SPDYA: variants seen among roughly 807,000 people sequenced by gnomAD.
SPDYA encodes the protein speedy protein A.
SPDYA carries 11 observed loss-of-function variants against 36.7 expected under a neutral mutation model. The ratio of observed to expected loss-of-function variants is 0.30; its 90% CI spans 0.19 to 0.50. SPDYA has a LOEUF of 0.50. SPDYA is among the 20% of genes least tolerant of loss of function. The probability of loss-of-function intolerance (pLI) is 0.98; values close to 1 mark genes in which losing one functional copy is unlikely to be tolerated. For missense variants in SPDYA, 287 were observed against 370.9 expected, an observed-to-expected ratio of 0.77 and a Z score of 1.86; for synonymous variants, 115 against 118.7, an observed-to-expected ratio of 0.97 and a Z score of 0.20.
At chr2:28,842,904 T>G (rs1484091227) in intron 7 of SPDYA, among the ~76,000 whole-genome samples, 1 of 152,154 alleles carries the variant, frequency 6.6e-6, no homozygotes, top group Non-Finnish European at 1.5e-5. Flanking sequence ...TTTAGTGACC[T>G]CTACTAGCAA....
intron 7 of SPDYA, among the ~76,000 whole-genome samples, chr2:28,844,609 C>T (rs781330924): frequency 6.6e-6 from 1 of 152,106 alleles, no homozygotes; most frequent in Non-Finnish European, 1.5e-5. Context: ...CTGTGATGTT[C>T]GGTGGTTAGC....
intron 7 of SPDYA, among the ~76,000 whole-genome samples, chr2:28,846,340 G>A (rs1000789600): frequency 7.9e-5 from 12 of 152,152 alleles, no homozygotes; most frequent in African/African-American, 2.9e-4. Context: ...CCTGGGAGGT[G>A]GAGGTTGCAG....
chr2:28,836,639 T>C (rs192880011), intron 6 of SPDYA, among the ~76,000 whole-genome samples: 3 of 152,340 alleles, frequency 2.0e-5, no homozygotes, highest in East Asian at 1.9e-4. Flanking sequence ...TTTCCCCTTT[T>C]AGTCGAAATT....
intron 4 of SPDYA, among the ~76,000 whole-genome samples, chr2:28,822,073 TCAAAC>T (rs1668183750): frequency 6.6e-6 from 1 of 152,168 alleles, no homozygotes; most frequent in African/African-American, 2.4e-5. Flanking sequence ...GGATTTTAGC[TCAAAC>T]TATTGGCAAT....
chr2:28,848,081 G>A (rs937968837), intron 7 of SPDYA, among the ~76,000 whole-genome samples: 2 of 152,114 alleles, frequency 1.3e-5, no homozygotes, highest in African/African-American at 4.8e-5. Context: ...TTAACAGAAT[G>A]TACTGCCACT....
chr2:28,814,496 G>A (rs1667935629), intron 1 of SPDYA, 117 bp from the exon 2 acceptor site: 1 of 152,156 alleles, frequency 6.6e-6, no homozygotes, highest in Admixed American at 6.6e-5. Context: ...ATTATTAAAA[G>A]TAATTTTATC....
chr2:28,840,077 TTAG>T lies in SPDYA; in HGVS notation c.553-94_553-92del, dbSNP rs1668712349. The T allele has an allele frequency of 6.7e-6, 8 of 1,187,356 alleles. No homozygotes were observed. The East Asian group carries it at 2.1e-4, about 31-fold the overall frequency. 73.6% of individuals were successfully genotyped at this position (1,187,356 alleles called of 1,614,324 possible). ...AGCAATTTGGATTTTTATCTTCACT[TTAG>T]AGACAGTTGTTCTTGAGTTATAAGT... On this transcript the variant is annotated intron_variant, in intron 6 of 7. Transcript: ENST00000334056.
At chr2:28,839,884 T>C (rs906636874) in intron 6 of SPDYA, among the ~76,000 whole-genome samples, 2 of 152,208 alleles carry the variant, frequency 1.3e-5, no homozygotes, top group African/African-American at 4.8e-5. Context: ...TTCCCAAACT[T>C]AGAATATTCA....
intron 6 of SPDYA, among the ~76,000 whole-genome samples, chr2:28,838,472 C>T (rs1457691159): frequency 6.6e-6 from 1 of 152,074 alleles, no homozygotes. Context: ...TGAGCCACTG[C>T]ACCTGCCAGA....
intron 6 of SPDYA, among the ~76,000 whole-genome samples, chr2:28,829,768 C>G (rs184053628): frequency 5.9e-4 from 89 of 151,920 alleles, no homozygotes; most frequent in African/African-American, 2.1e-3. Flanking sequence ...ATGGTGAAAC[C>G]CGTCTCTACT....
At chr2:28,828,513 A>G (rs1267359807) in intron 5 of SPDYA, among the ~76,000 whole-genome samples, 1 of 152,226 alleles carries the variant, frequency 6.6e-6, no homozygotes, top group Non-Finnish European at 1.5e-5. Flanking sequence ...TAACTGTTCC[A>G]GTGTCCTTAT....
intron 3 of SPDYA, among the ~76,000 whole-genome samples, chr2:28,817,879 G>A (rs1327921522): frequency 8.1e-6 from 1 of 123,880 alleles, no homozygotes; most frequent in African/African-American, 3.1e-5. Flanking sequence ...AAAAAAAAAA[G>A]GCTGGATATG....
chr2:28,850,105 T>G lies in SPDYA; in HGVS notation c.*164T>G. The G allele has an allele frequency of 7.7e-7, 1 of 1,301,154 alleles. No homozygotes were observed. Among genetic ancestry groups the G allele is most frequent in the Non-Finnish European group, 1.1e-6 (1 of 920,366 alleles). 80.6% of individuals were successfully genotyped at this position (1,301,154 alleles called of 1,614,324 possible). On this transcript the variant is annotated 3_prime_UTR_variant, in exon 8 of 8. Coordinates refer to ENST00000334056, the MANE Select transcript of SPDYA (RefSeq NM_182756.4). ...AAGTTATATAAGTCATAGTAATAGCTAAAAATGCCAATCTATGGAAGCAGT... is the reference window on the plus strand; with the variant it reads ...AAGTTATATAAGTCATAGTAATAGCGAAAAATGCCAATCTATGGAAGCAGT...
chr2:28,846,937 A>T (rs74910290), intron 7 of SPDYA, among the ~76,000 whole-genome samples: 2 of 152,208 alleles, frequency 1.3e-5, no homozygotes, highest in Non-Finnish European at 2.9e-5. Flanking sequence ...CAAAGTAGAC[A>T]ATTGGGGATT....
chr2:28,828,492 C>G (rs1558326205), intron 5 of SPDYA, among the ~76,000 whole-genome samples: 1 of 152,142 alleles, frequency 6.6e-6, no homozygotes, highest in Non-Finnish European at 1.5e-5. Flanking sequence ...TTTGAACATA[C>G]AGAATAGTTA....
At chr2:28,824,686 A>G (rs1668274688) in intron 5 of SPDYA, among the ~76,000 whole-genome samples, 1 of 150,582 alleles carries the variant, frequency 6.6e-6, no homozygotes, top group East Asian at 2.0e-4. Context: ...AGCTGGAACT[A>G]CAGGCGCATG....
chr2:28,849,265 A>G (rs1668971370), intron 7 of SPDYA, among the ~76,000 whole-genome samples: 1 of 152,136 alleles, frequency 6.6e-6, no homozygotes, highest in Non-Finnish European at 1.5e-5. Flanking sequence ...CCCATTTGTA[A>G]TTAATTCATG....
intron 7 of SPDYA, among the ~76,000 whole-genome samples, chr2:28,840,973 C>T (rs1161875730): frequency 2.4e-5 from 3 of 124,654 alleles, no homozygotes; most frequent in Non-Finnish European, 4.8e-5. Flanking sequence ...CTCACTTTGT[C>T]GCCCAGGCTG....
intron 4 of SPDYA, among the ~76,000 whole-genome samples, chr2:28,820,673 T>C (rs1668134525): frequency 6.6e-6 from 1 of 152,206 alleles, no homozygotes; most frequent in South Asian, 2.1e-4. Flanking sequence ...CTAAGAATTT[T>C]CAGCTTTGTA....
Sources: allele counts gnomAD v4.1 joint callset (sites outside exome capture counted in the v4.1 genomes callset), GRCh38; gene constraint gnomAD v4.1.1; transcripts MANE v1.5; gene names NCBI Gene and HGNC (gene_info 2026-07-23, HGNC 2026-07-21).